Variants in AMD1 observed in about 807,000 individuals in gnomAD.
AMD1 encodes the protein S-adenosylmethionine decarboxylase proenzyme.
In AMD1, 11 loss-of-function variants were observed where a neutral mutation model predicts 40.2. That is an observed-to-expected ratio of 0.27 (90% CI 0.17 to 0.45). AMD1 has a LOEUF of 0.45. Ranked by LOEUF, AMD1 falls within the 20% of genes least tolerant of loss-of-function variation. The pLI, the probability that AMD1 is intolerant of heterozygous loss-of-function variation, is 1.00. For missense variants in AMD1, 257 were observed against 410.2 expected (o/e 0.63, Z 3.23); for synonymous variants, 121 against 130.8 (o/e 0.93, Z 0.51).
the AMD1 span, among the ~76,000 whole-genome samples, chr6:110,827,497 G>T: frequency 1.3e-5 from 2 of 152,024 alleles, no homozygotes; most frequent in African/African-American, 4.8e-5. Flanking sequence ...GGGTGTGGTG[G>T]CTCACGCCTG....
At chr6:110,860,864 CACACACAGAG>C in the AMD1 span, among the ~76,000 whole-genome samples, 158 of 149,824 alleles carry the variant, frequency 1.1e-3, 1 homozygote, top group African/African-American at 3.9e-3. Flanking sequence ...CACACACACA[CACACACAGAG>C]AGAGAGAACA....
Position 110,888,965 on chromosome 6 carries a change from T to C in AMD1, c.306T>C (p.Ser102=). ...TGTTGAAGCTTGCTAGGGATTACAG[T>C]GGGTTTGACTCAATTCAAGTAAGTA... The part of the protein sequence containing the change: ...VPLLKLARDY[S]GFDSIQSFFY... Residue 102 remains serine (S), a synonymous_variant, in exon 3 of 9, where the codon AGT becomes AGC. Coordinates refer to ENST00000368885, the MANE Select transcript of AMD1 (RefSeq NM_001634.6). 6.2e-7 allele frequency: 1 copy of C among 1,613,702 alleles called. No homozygotes were observed. The highest frequency in any genetic ancestry group is 2.2e-5 in the East Asian group (1 of 44,848).
the AMD1 span, among the ~76,000 whole-genome samples, chr6:110,854,623 A>AT: frequency 6.6e-6 from 1 of 151,958 alleles, no homozygotes; most frequent in East Asian, 1.9e-4. Context: ...TAATTTTTGT[A>AT]TTTTTGTAGA....
the AMD1 span, chr6:110,858,187 T>G: frequency 0.31 from 207,469 of 679,942 alleles, 36,628 homozygotes; most frequent in East Asian, 0.7. Flanking sequence ...GCCCCGCGCC[T>G]GCCAGGCCGT....
chr6:110,832,264 C>A, the AMD1 span, among the ~76,000 whole-genome samples: 1 of 152,044 alleles, frequency 6.6e-6, no homozygotes, highest in Non-Finnish European at 1.5e-5. Context: ...TTTAGCCCCC[C>A]AAAGTGCTGG....
chr6:110,888,693 G>A, intron 2 of AMD1, 164 bp from the exon 3 acceptor site: 2 of 578,910 alleles, frequency 3.5e-6, no homozygotes, highest in Admixed American at 3.5e-5. Context: ...CCCTGGGGAT[G>A]TTTTGTATAC....
chr6:110,885,822 G>GT (rs1392651058), intron 1 of AMD1, among the ~76,000 whole-genome samples: 3 of 152,234 alleles, frequency 2.0e-5, no homozygotes, highest in Admixed American at 2.0e-4. Context: ...AGATGGGTCA[G>GT]TAACAGTTTC....
Position 110,892,560 on chromosome 6 carries a change from A to G in AMD1, c.615+117A>G. The stretch of plus-strand genomic sequence containing the variant: ...AAGTGCTAGTTTGTTACATAGGTAA[A>G]CTTGTGTCATGGGGGTTTGTCGTAC... On this transcript the variant is annotated intron_variant, in intron 6 of 8. Transcript: ENST00000368885. 2.0e-6 allele frequency: 3 copies of G among 1,473,662 alleles called. No individual in the cohort carries two copies. In the South Asian group the frequency reaches 3.7e-5, roughly 18 times the overall value. The allele number at this position is 1,473,662 out of a possible 1,614,324, so 91.3% of individuals were successfully genotyped here. A position where few individuals can be genotyped will look rare whatever the true frequency, so the allele number is the denominator to read the frequency against.
chr6:110,880,531 TG>T (rs1554236341), intron 1 of AMD1, among the ~76,000 whole-genome samples: 1 of 152,244 alleles, frequency 6.6e-6, no homozygotes, highest in Non-Finnish European at 1.5e-5. Flanking sequence ...AGTTAATTTT[TG>T]TTTATGATGT....
rs1436910192 is a variant in AMD1 at position 110,893,627 on chromosome 6, T to C, written c.*11T>C. The stretch of plus-strand genomic sequence containing the variant: ...CAACAGCAGAGTTGATTAAGAAAAA[T>C]GAAGAAAAAACGCAAAAAGAGAACA... On this transcript the variant is annotated 3_prime_UTR_variant, in exon 9 of 9. Transcript: ENST00000368885. The C allele has an allele frequency of 1.2e-6, 2 of 1,609,986 alleles. No individual in the cohort carries two copies. The highest frequency in any genetic ancestry group is 1.3e-5 in the African/African-American group (1 of 74,648).
At chr6:110,830,550 G>A in the AMD1 span, among the ~76,000 whole-genome samples, 7 of 152,278 alleles carry the variant, frequency 4.6e-5, no homozygotes, top group Admixed American at 2.6e-4. Flanking sequence ...TAAATAACCT[G>A]CCCCTTAATT....
the AMD1 span, among the ~76,000 whole-genome samples, chr6:110,865,060 C>G: frequency 5.3e-5 from 8 of 152,302 alleles, no homozygotes; most frequent in African/African-American, 1.9e-4. Context: ...GGAGAAAGAC[C>G]TTGCTTTGGA....
chr6:110,878,029 T>C (rs919149272), intron 1 of AMD1, among the ~76,000 whole-genome samples: 1 of 152,276 alleles, frequency 6.6e-6, no homozygotes, highest in Non-Finnish European at 1.5e-5. Context: ...CCAAAACTAA[T>C]GCAAGAAGAA....
the AMD1 span, among the ~76,000 whole-genome samples, chr6:110,852,225 TTTTTTTTTTTTTTTG>T: frequency 9.6e-6 from 1 of 104,110 alleles, no homozygotes; most frequent in African/African-American, 4.9e-5. Flanking sequence ...TTTTTTTTTT[TTTTTTTTTTTTTTTG>T]AGAAGGAGTC....
the AMD1 span, among the ~76,000 whole-genome samples, chr6:110,860,862 CACACACACAG>C: frequency 1.3e-5 from 2 of 149,784 alleles, no homozygotes; most frequent in African/African-American, 5.0e-5. Flanking sequence ...CACACACACA[CACACACACAG>C]AGAGAGAGAA....
the AMD1 span, among the ~76,000 whole-genome samples, chr6:110,863,593 C>T: frequency 5.3e-5 from 8 of 150,410 alleles, no homozygotes; most frequent in South Asian, 2.1e-4. Context: ...TGGTCTTGAA[C>T]GCCTGACCTC....
the AMD1 span, among the ~76,000 whole-genome samples, chr6:110,844,597 C>T: frequency 1.3e-5 from 2 of 151,552 alleles, no homozygotes; most frequent in Non-Finnish European, 2.9e-5. Flanking sequence ...GTGGCTAACA[C>T]GGTGAAACCC....
the AMD1 span, among the ~76,000 whole-genome samples, chr6:110,844,696 G>C: frequency 6.6e-6 from 1 of 151,718 alleles, no homozygotes; most frequent in Non-Finnish European, 1.5e-5. Flanking sequence ...CAGGAGAATG[G>C]CTTGAACCCG....
upstream of AMD1, among the ~76,000 whole-genome samples, chr6:110,872,257 A>G (rs1272999155): frequency 6.6e-6 from 1 of 152,172 alleles, no homozygotes; most frequent in Non-Finnish European, 1.5e-5. Flanking sequence ...TTTTGCTGTT[A>G]AGGGAAGCAG....
Sources: allele counts gnomAD v4.1 joint callset (sites outside exome capture counted in the v4.1 genomes callset), GRCh38; gene constraint gnomAD v4.1.1; transcripts MANE v1.5; gene names NCBI Gene and HGNC (gene_info 2026-07-23, HGNC 2026-07-21).